LRRC69: variants seen among roughly 807,000 people sequenced by gnomAD.
The protein encoded by LRRC69 is leucine rich repeat containing 69.
Under a neutral mutation model 37.8 loss-of-function variants are expected in LRRC69, and 42 were observed. The ratio of observed to expected loss-of-function variants is 1.11; its 90% CI spans 0.87 to 1.44. The LOEUF is 1.44. LRRC69 is among the 40% of genes most tolerant of loss of function. LRRC69 has a pLI of 0.00. For synonymous variants in LRRC69, 141 were observed against 143.1 expected, an observed-to-expected ratio of 0.99 and a Z score of 0.11; for missense variants, 357 against 401.9, an observed-to-expected ratio of 0.89 and a Z score of 0.96.
chr8:91,191,835 G>A (rs1235281517), intron 6 of LRRC69, among the ~76,000 whole-genome samples: 2 of 151,950 alleles, frequency 1.3e-5, no homozygotes, highest in Non-Finnish European at 2.9e-5. Context: ...GAGCACAAAA[G>A]TTAATTTTTT....
At chr8:91,152,417 T>C (rs745973343) in intron 5 of LRRC69, among the ~76,000 whole-genome samples, 1 of 151,706 alleles carries the variant, frequency 6.6e-6, no homozygotes, top group Non-Finnish European at 1.5e-5. Context: ...TTGTCAGGTT[T>C]GTTGAAGATC....
chr8:91,189,422 C>A, intron 5 of LRRC69, 100 bp from the exon 6 acceptor site: 1 of 827,570 alleles, frequency 1.2e-6, no homozygotes, highest in Non-Finnish European at 1.9e-6. Context: ...GATTTTTAGT[C>A]CTAAATAAAG....
chr8:91,219,034 A>G, downstream of LRRC69: 2 of 1,232,842 alleles, frequency 1.6e-6, no homozygotes, highest in South Asian at 1.4e-5. Flanking sequence ...GCCTCACTCC[A>G]CTTGCCCTGT....
chr8:91,216,730 T>C (rs955192812), intron 7 of LRRC69, among the ~76,000 whole-genome samples: 5 of 152,148 alleles, frequency 3.3e-5, no homozygotes, highest in African/African-American at 9.7e-5. Context: ...AGTTAGGGAA[T>C]CAATATTATA....
Position 91,181,118 on chromosome 8 carries a change from T to C in LRRC69, c.652-8404T>C, listed in dbSNP as rs574557483. 5.1e-4 allele frequency among the ~76,000 whole-genome samples: 77 copies of C among 152,158 alleles called. 2 individuals are homozygous for C. In the South Asian group the frequency reaches 0.016, roughly 32 times the overall value. ...TGAGACATTTTTATGGTGATTTAGG[T>C]GCCAATGCTGAAAAGAATGAATTAA... On this transcript the variant is annotated intron_variant, in intron 5 of 7. Transcript: ENST00000448384.
chr8:91,180,708 G>A (rs1439773394), intron 5 of LRRC69, among the ~76,000 whole-genome samples: 8 of 152,094 alleles, frequency 5.3e-5, no homozygotes, highest in Admixed American at 4.6e-4. Context: ...GAAGATGAAG[G>A]CAGGGAAAAT....
rs115325180 is a variant in LRRC69, at chr8:91,178,699, T to C, written c.652-10823T>C. 5.4e-3 allele frequency among the ~76,000 whole-genome samples: 829 copies of C among 152,314 alleles called. 11 individuals carry two copies. The highest frequency in any genetic ancestry group is 0.019 in the African/African-American group (805 of 41,554). On this transcript the variant is annotated intron_variant, in intron 5 of 7. Transcript: ENST00000448384. ...AGGAACATTCAGAAATTTCAGGGTGTATGTGATTCAAGACATGAGAGGTTT... is the reference window on the plus strand; with the variant it reads ...AGGAACATTCAGAAATTTCAGGGTGCATGTGATTCAAGACATGAGAGGTTT...
At chr8:91,163,415 T>C (rs1363578950) in intron 5 of LRRC69, among the ~76,000 whole-genome samples, 2 of 151,480 alleles carry the variant, frequency 1.3e-5, no homozygotes, top group African/African-American at 4.8e-5. Context: ...TACACATTGT[T>C]GAATGAATGA....
chr8:91,200,883 C>A, intron 7 of LRRC69, 91 bp downstream of exon 7: 2 of 1,228,922 alleles, frequency 1.6e-6, no homozygotes, highest in Non-Finnish European at 2.2e-6. Context: ...TAGATTTGTA[C>A]CTATGATTGG....
rs564792833 is a variant in LRRC69 at position 91,165,027 on chromosome 8, A to C, written c.652-24495A>C. On this transcript the variant is annotated intron_variant, in intron 5 of 7. Transcript: ENST00000448384. ...AGGCTCACTTTAGAAAATAGAAGTC[A>C]AGACTCCTACGAAGGTTCATTTGAG... Among the ~76,000 whole-genome samples, 3 of 151,798 alleles carry C rather than the reference A, an allele frequency of 2.0e-5. No homozygotes were observed. The South Asian group carries it at 6.2e-4, about 32-fold the overall frequency.
At chr8:91,147,104 G>C (rs1038090454) in intron 5 of LRRC69, among the ~76,000 whole-genome samples, 2 of 151,322 alleles carry the variant, frequency 1.3e-5, no homozygotes, top group Non-Finnish European at 2.9e-5. Context: ...GTAGATTTTA[G>C]AGTCTATAAG....
At chr8:91,197,102 T>C (rs1472777120) in intron 6 of LRRC69, among the ~76,000 whole-genome samples, 1 of 151,916 alleles carries the variant, frequency 6.6e-6, no homozygotes. Context: ...TACCCTGCGG[T>C]GTGAGGTGTC....
rs61733742 is a variant in LRRC69, at chr8:91,158,160, A to G, written c.651+22421A>G. On this transcript the variant is annotated intron_variant, in intron 5 of 7. Transcript: ENST00000448384. ...CTCACTTACCTATGGAAAATCCCAG[A>G]AAGATCTGGAGCTGGAACAGAGGAT... 3.5e-3 allele frequency: 5,597 copies of G among 1,603,844 alleles called. 174 individuals are homozygous for G. The African/African-American group carries it at 0.066, about 19-fold the overall frequency.
intron 5 of LRRC69, among the ~76,000 whole-genome samples, chr8:91,185,287 A>C (rs573683470): frequency 6.6e-6 from 1 of 152,110 alleles, no homozygotes; most frequent in Non-Finnish European, 1.5e-5. Context: ...GGGGGCCTTC[A>C]TCTGCTTCTC....
At chr8:91,144,446 C>T (rs1235710877) in intron 5 of LRRC69, among the ~76,000 whole-genome samples, 1 of 151,994 alleles carries the variant, frequency 6.6e-6, no homozygotes, top group East Asian at 1.9e-4. Context: ...GGTCTCCTTT[C>T]CCTGGCTCCT....
intron 5 of LRRC69, among the ~76,000 whole-genome samples, chr8:91,185,178 A>G (rs2130603996): frequency 1.3e-5 from 2 of 152,256 alleles, no homozygotes; most frequent in Admixed American, 1.3e-4. Flanking sequence ...CTCCCAGATC[A>G]GTTATTTCTA....
chr8:91,152,236 C>T (rs904993456), intron 5 of LRRC69, among the ~76,000 whole-genome samples: 16 of 151,130 alleles, frequency 1.1e-4, no homozygotes, highest in Admixed American at 9.9e-4. Context: ...GTATTGCCTG[C>T]GTTTTCTTCT....
At chr8:91,208,018 C>A (rs1434748548) in intron 7 of LRRC69, among the ~76,000 whole-genome samples, 1 of 152,154 alleles carries the variant, frequency 6.6e-6, no homozygotes, top group Non-Finnish European at 1.5e-5. Context: ...TTCACATGGT[C>A]TTCCTTTGGT....
intron 1 of LRRC69, chr8:91,118,351 CAAAAAAAAAAAAAAAAAAAAAAAAAAA>C (rs10525965): frequency 0.012 from 1,267 of 101,772 alleles, 1 homozygote; most frequent in South Asian, 0.024. Flanking sequence ...ACTAAAAATG[CAAAAAAAAAAAAAAAAAAAAAAAAAAA>C]AAAAAAAAAA....
Sources: allele counts gnomAD v4.1 joint callset (sites outside exome capture counted in the v4.1 genomes callset), GRCh38; gene constraint gnomAD v4.1.1; transcripts MANE v1.5; gene names NCBI Gene and HGNC (gene_info 2026-07-23, HGNC 2026-07-21).